CTNND2: variants seen among roughly 807,000 people sequenced by gnomAD.
CTNND2 encodes the protein catenin delta-2.
A neutral mutation model predicts 144.4 loss-of-function variants in CTNND2; 22 were observed. The ratio of observed to expected loss-of-function variants is 0.15; its 90% CI spans 0.11 to 0.22. The LOEUF is 0.22. CTNND2 is among the 10% of genes least tolerant of loss of function. CTNND2 has a pLI of 1.00. For missense variants in CTNND2, 1,353 were observed against 1,618.8 expected, an observed-to-expected ratio of 0.84 and a Z score of 2.82; for synonymous variants, 751 against 695.6, an observed-to-expected ratio of 1.08 and a Z score of -1.25.
chr5:11,366,577 T>C (rs1360719786), intron 7 of CTNND2, among the ~76,000 whole-genome samples: 1 of 152,180 alleles, frequency 6.6e-6, no homozygotes, highest in Non-Finnish European at 1.5e-5. Context: ...CAAGCTTAAA[T>C]TTTCCAGGAA....
At chr5:11,787,117 T>A (rs533328204) in intron 1 of CTNND2, among the ~76,000 whole-genome samples, 2 of 152,284 alleles carry the variant, frequency 1.3e-5, no homozygotes, top group East Asian at 3.9e-4. Context: ...AGTGGACAAG[T>A]TATTAAAGTC....
intron 11 of CTNND2, among the ~76,000 whole-genome samples, chr5:11,172,182 G>A (rs1395676047): frequency 6.6e-6 from 1 of 152,156 alleles, no homozygotes; most frequent in Non-Finnish European, 1.5e-5. Flanking sequence ...GGTGGGTCCT[G>A]CTACCTAAGA....
intron 15 of CTNND2, among the ~76,000 whole-genome samples, chr5:11,094,073 A>G (rs965080305): frequency 1.3e-5 from 2 of 152,198 alleles, no homozygotes; most frequent in Non-Finnish European, 2.9e-5. Context: ...AAATGTTTAT[A>G]TATGTATGTA....
At chr5:11,314,166 C>T (rs528716746) in intron 9 of CTNND2, among the ~76,000 whole-genome samples, 39 of 152,240 alleles carry the variant, frequency 2.6e-4, no homozygotes, top group African/African-American at 8.2e-4. Context: ...GTAGGGTCTG[C>T]GGATACCTTC....
intron 1 of CTNND2, among the ~76,000 whole-genome samples, chr5:11,815,027 G>A (rs1282201188): frequency 6.6e-6 from 1 of 152,104 alleles, no homozygotes; most frequent in East Asian, 1.9e-4. Flanking sequence ...TGAGAATTTT[G>A]TGGATGCCAG....
In CTNND2 at chr5:11,549,834, A is replaced by G. The variant is rs1029462438; in HGVS notation, c.287+15110T>C. On this transcript the variant is annotated intron_variant, in intron 3 of 21. Transcript: ENST00000304623. ...TATCATACACATATTACTACATATT[A>G]ATTTAAGAACATTGCTGTACTCTAG... Among the ~76,000 whole-genome samples, 4 of 152,154 alleles carry G rather than the reference A, an allele frequency of 2.6e-5. No homozygotes were observed. The East Asian group carries it at 7.7e-4, about 29-fold the overall frequency.
chr5:11,835,489 T>A (rs1794128246), intron 1 of CTNND2, among the ~76,000 whole-genome samples: 1 of 152,232 alleles, frequency 6.6e-6, no homozygotes, highest in Non-Finnish European at 1.5e-5. Context: ...TGAGTTCAAT[T>A]TCCTTAATAG....
At chr5:11,893,162 T>G (rs1335413654) in intron 1 of CTNND2, among the ~76,000 whole-genome samples, 7 of 152,210 alleles carry the variant, frequency 4.6e-5, no homozygotes, top group African/African-American at 9.7e-5. Context: ...GTATTTATGT[T>G]TACTACTGAA....
intron 1 of CTNND2, among the ~76,000 whole-genome samples, chr5:11,805,601 T>C (rs1791948598): frequency 6.6e-6 from 1 of 152,070 alleles, no homozygotes; most frequent in Non-Finnish European, 1.5e-5. Flanking sequence ...TGAAGAAAGC[T>C]AGAATAATTG....
intron 15 of CTNND2, chr5:11,083,827 C>T: frequency 2.0e-6 from 2 of 984,106 alleles, no homozygotes; most frequent in Non-Finnish European, 1.2e-6. Context: ...CCCCACCAGG[C>T]CACCTCCACC....
intron 2 of CTNND2, among the ~76,000 whole-genome samples, chr5:11,680,993 T>C (rs1784400405): frequency 6.6e-6 from 1 of 152,044 alleles, no homozygotes; most frequent in African/African-American, 2.4e-5. Flanking sequence ...GGTGGAGATC[T>C]AGAGGATGAG....
intron 2 of CTNND2, among the ~76,000 whole-genome samples, chr5:11,642,724 A>G (rs538324553): frequency 6.6e-6 from 1 of 152,344 alleles, no homozygotes; most frequent in South Asian, 2.1e-4. Flanking sequence ...TTTAATTATA[A>G]TAAGAAACCA....
chr5:11,831,291 A>AGT (rs1793886484), intron 1 of CTNND2, among the ~76,000 whole-genome samples: 3 of 151,994 alleles, frequency 2.0e-5, no homozygotes, highest in Admixed American at 2.0e-4. Context: ...GAGGACTTAT[A>AGT]CTGCCTCAAT....
chr5:11,385,057 G>T lies in CTNND2; in HGVS notation c.785C>A (p.Pro262Gln), dbSNP rs560682486. The change falls in exon 7 of 22, where the codon CCG (proline) becomes CAG (glutamine). Residue 262 changes from proline (P) to glutamine (Q), a missense_variant. Coordinates refer to ENST00000304623, the MANE Select transcript of CTNND2 (RefSeq NM_001332.4). ...LYYSSSTLPA[P>Q]PRGGSPLAAP... is the part of the protein sequence containing the mutation. ...GGCCAGCGGGGAGCCCCCGCGCGGC[G>T]GCGCGGGCAGCGTGGAGCTGGAGTA... is the stretch of plus-strand genomic sequence containing the variant. The T allele has an allele frequency of 4.4e-5, 48 of 1,102,856 alleles. 1 individual carries two copies. In the Middle Eastern group the frequency reaches 1.2e-3, roughly 28 times the overall value. The allele number at this position is 1,102,856 out of a possible 1,614,324, so 68.3% of individuals were successfully genotyped here. A position where few individuals can be genotyped will look rare whatever the true frequency, so the allele number is the denominator to read the frequency against.
At chr5:11,440,583 G>A (rs1360839639) in intron 3 of CTNND2, among the ~76,000 whole-genome samples, 1 of 152,134 alleles carries the variant, frequency 6.6e-6, no homozygotes, top group Non-Finnish European at 1.5e-5. Context: ...GGAAATAGTA[G>A]CCTTGTATTC....
At chr5:11,320,570 T>C (rs930184163) in intron 9 of CTNND2, among the ~76,000 whole-genome samples, 1 of 152,210 alleles carries the variant, frequency 6.6e-6, no homozygotes, top group Non-Finnish European at 1.5e-5. Context: ...CAGTTCCACA[T>C]GGCTGGGTGG....
intron 2 of CTNND2, among the ~76,000 whole-genome samples, chr5:11,646,614 G>C (rs1460723644): frequency 7.0e-6 from 1 of 142,950 alleles, no homozygotes; most frequent in African/African-American, 2.8e-5. Context: ...AAAAGTCCTG[G>C]CTTCCTATTT....
rs753918436 is a variant in CTNND2 at position 11,159,631 on chromosome 5, G to T, written c.2104C>A (p.Arg702=). The T allele has an allele frequency of 6.2e-7, 1 of 1,613,572 alleles. No homozygotes were observed. The highest frequency in any genetic ancestry group is 1.3e-5 in the African/African-American group (1 of 75,018). ...TGTGATGAATGCAGCTGTATTTTCC[G>T]ATCATCCTGAAGAGGCGAATTTTCC... ...GWENSPLQDD[R]KIQLHSSQVL... Residue 702 remains arginine, a synonymous_variant, in exon 12 of 22, where the codon CGG becomes AGG. Coordinates refer to ENST00000304623, the MANE Select transcript of CTNND2 (RefSeq NM_001332.4).
chr5:11,634,072 T>G (rs1020875058), intron 2 of CTNND2, among the ~76,000 whole-genome samples: 4 of 152,172 alleles, frequency 2.6e-5, no homozygotes, highest in Non-Finnish European at 5.9e-5. Context: ...CACTGCCCAT[T>G]TATCCAGCCA....
Sources: allele counts gnomAD v4.1 joint callset (sites outside exome capture counted in the v4.1 genomes callset), GRCh38; gene constraint gnomAD v4.1.1; transcripts MANE v1.5; gene names NCBI Gene and HGNC (gene_info 2026-07-23, HGNC 2026-07-21).